Variants in ADGRB1 observed in about 807,000 individuals in gnomAD.
ADGRB1 encodes adhesion G protein-coupled receptor B1, also known as brain-specific angiogenesis inhibitor 1.
Under a neutral mutation model 175.7 loss-of-function variants are expected in ADGRB1, and 36 were observed. The observed-to-expected ratio is 0.20, with a 90% CI of 0.16 to 0.27. The LOEUF (loss-of-function observed/expected upper bound fraction) is 0.27. Ranked by LOEUF, ADGRB1 falls within the 10% of genes least tolerant of loss-of-function variation. The pLI is 1.00. For missense variants in ADGRB1, 1,731 were observed against 2,255.3 expected (o/e 0.77, Z 4.71); for synonymous variants, 1,054 against 979.4 (o/e 1.08, Z -1.42).
intron 9 of ADGRB1, among the ~76,000 whole-genome samples, chr8:142,480,841 C>G (rs76346066): frequency 0.018 from 2,668 of 152,310 alleles, 38 homozygotes; most frequent in Non-Finnish European, 0.028. Flanking sequence ...CAAGGCTGCC[C>G]CCATGTCTCT....
Position 142,455,963 on chromosome 8 carries a change from G to T in ADGRB1, c.-220+5859G>T, listed in dbSNP as rs1337909083. ...AGAGTGCCAGAGCGTCCAGGGTAGC[G>T]CCTGTGTAGTGCCAGGGAGGGTAGG... On this transcript the variant is annotated intron_variant, in intron 1 of 30. Transcript: ENST00000517894. This position sits in a 1 kb window ranked among gnomAD's most constrained non-coding sequence, Gnocchi z 4.9. 1.3e-5 allele frequency among the ~76,000 whole-genome samples: 2 copies of T among 152,120 alleles called. No individual in the cohort carries two copies. Among genetic ancestry groups the T allele is most frequent in the Admixed American group, 6.5e-5 (1 of 15,282 alleles).
At chr8:142,530,776 ATGTTC>A (rs1844577804) in intron 24 of ADGRB1, among the ~76,000 whole-genome samples, 2 of 152,078 alleles carry the variant, frequency 1.3e-5, no homozygotes, top group Admixed American at 1.3e-4. Flanking sequence ...GGCCAGAAGG[ATGTTC>A]CCTTTGCAGT....
At chr8:142,522,826 C>G in intron 22 of ADGRB1, 116 bp downstream of exon 22, 2 of 1,196,644 alleles carry the variant, frequency 1.7e-6, no homozygotes, top group Non-Finnish European at 2.2e-6. Flanking sequence ...GATCATCTCA[C>G]AGAGGCTCAG....
chr8:142,490,662 G>A lies in ADGRB1; in HGVS notation c.2632-110G>A, dbSNP rs148607345. On this transcript the variant is annotated intron_variant, in intron 16 of 30. Coordinates refer to ENST00000517894, the MANE Select transcript of ADGRB1 (RefSeq NM_001702.3). ...CAAAACGCAGTCTGTTCAGGGACCC[G>A]CACAGGTAGCATGCCTGGTAGCACA... The A allele has an allele frequency of 1.5e-3, 2,002 of 1,301,940 alleles. 6 individuals are homozygous for A. The highest frequency in any genetic ancestry group is 0.014 in the Middle Eastern group (70 of 5,156). The allele number at this position is 1,301,940 out of a possible 1,614,324, so 80.6% of individuals were successfully genotyped here. A position where few individuals can be genotyped will look rare whatever the true frequency, so the allele number is the denominator to read the frequency against.
intron 17 of ADGRB1, among the ~76,000 whole-genome samples, chr8:142,509,022 C>A (rs958660752): frequency 1.3e-5 from 2 of 152,210 alleles, no homozygotes; most frequent in Admixed American, 6.5e-5. Flanking sequence ...CAGGTCCTTC[C>A]CCTAGGAGGC....
Position 142,520,925 on chromosome 8 carries a change from G to T in ADGRB1, c.3024G>T (p.Lys1008Asn). Residue 1008 changes from lysine (K) to asparagine (N), a missense_variant and splice_region_variant, in exon 20 of 31, where the codon AAG becomes AAT. Lys to Asn is a moderately conservative substitution (Grantham distance 94, BLOSUM62 0). Around this residue, in one of 8 missense-constraint regions of ADGRB1, gnomAD observed 301 missense variants for 488.4 expected, o/e 0.62. Transcript: ENST00000517894. Reference protein sequence around the residue: ...ILIGQTQTRNKVVCTLVAAFL... With the variant: ...ILIGQTQTRNNVVCTLVAAFL... The stretch of plus-strand genomic sequence containing the variant: ...TCGGGCAGACCCAGACCCGCAACAA[G>T]GTAGGCAGCCTTGCGTCCTGCCATG... 1 of 1,612,100 alleles carries T rather than the reference G, an allele frequency of 6.2e-7. No homozygotes were observed. The highest frequency in any genetic ancestry group is 8.5e-7 in the Non-Finnish European group (1 of 1,178,320).
intron 22 of ADGRB1, among the ~76,000 whole-genome samples, chr8:142,523,407 G>GA (rs397688982): frequency 2.0e-5 from 3 of 151,526 alleles, no homozygotes; most frequent in Non-Finnish European, 2.9e-5. Context: ...GAGTGGGAGG[G>GA]CGGAGCAGGC....
chr8:142,544,480 C>T lies in ADGRB1; in HGVS notation c.*63C>T, dbSNP rs574799518. 1.7e-4 allele frequency: 246 copies of T among 1,411,268 alleles called. No homozygotes were observed. Among genetic ancestry groups the T allele is most frequent in the Non-Finnish European group, 2.1e-4 (227 of 1,085,862 alleles). The allele number at this position is 1,411,268 out of a possible 1,614,324, so 87.4% of individuals were successfully genotyped here. A position where few individuals can be genotyped will look rare whatever the true frequency, so the allele number is the denominator to read the frequency against. On this transcript the variant is annotated 3_prime_UTR_variant, in exon 31 of 31. Coordinates refer to ENST00000517894, the MANE Select transcript of ADGRB1 (RefSeq NM_001702.3). ...GGGATGCTGCTCCGCCCGCTCCTGCCGCAGACGGGCACAGACACGCTCGCG... is the reference window on the plus strand; with the variant it reads ...GGGATGCTGCTCCGCCCGCTCCTGCTGCAGACGGGCACAGACACGCTCGCG...
chr8:142,482,471 A>G (rs1275077078), intron 11 of ADGRB1, among the ~76,000 whole-genome samples: 22 of 91,626 alleles, frequency 2.4e-4, no homozygotes, highest in Admixed American at 5.0e-4. Context: ...CACATGCTGA[A>G]CCCTGATCCT....
At chr8:142,496,638 C>T (rs757037828) in intron 17 of ADGRB1, among the ~76,000 whole-genome samples, 21 of 152,112 alleles carry the variant, frequency 1.4e-4, no homozygotes, top group East Asian at 1.9e-4. Context: ...CAGAGTTTAC[C>T]GAGTATAAAA....
At chr8:142,508,821 C>T (rs1221632294) in intron 17 of ADGRB1, among the ~76,000 whole-genome samples, 1 of 152,206 alleles carries the variant, frequency 6.6e-6, no homozygotes, top group Non-Finnish European at 1.5e-5. Context: ...ATGGGTGAGC[C>T]TCATGCTTCT....
intron 24 of ADGRB1, among the ~76,000 whole-genome samples, chr8:142,532,431 A>G (rs71518703): frequency 0.057 from 8,641 of 152,182 alleles, 363 homozygotes; most frequent in African/African-American, 0.12. Context: ...TGCAGGGGCG[A>G]GGGCTGCTGT....
intron 19 of ADGRB1, among the ~76,000 whole-genome samples, chr8:142,519,701 G>T (rs1843656650): frequency 1.1e-5 from 1 of 91,490 alleles, no homozygotes; most frequent in East Asian, 2.9e-4. Context: ...TGGTTGTGAT[G>T]GTGTTGGTGG....
intron 2 of ADGRB1, among the ~76,000 whole-genome samples, chr8:142,472,950 C>CAGGG (rs1041749700): frequency 2.0e-5 from 3 of 152,134 alleles, no homozygotes; most frequent in Non-Finnish European, 4.4e-5. Flanking sequence ...TTTGTGGGGG[C>CAGGG]AGGGTGATCC....
Position 142,474,384 on chromosome 8 carries a change from G to C in ADGRB1, c.785-1090G>C, listed in dbSNP as rs1286538525. ...GCTGTCTCCTCGCCACCGTAGCCAG[G>C]AGCAGCACTTGGCAAGGGCTGCATG... On this transcript the variant is annotated intron_variant, in intron 2 of 30. Transcript: ENST00000517894. This position sits in a 1 kb window ranked among gnomAD's most constrained non-coding sequence, Gnocchi z 5.8. 6.6e-6 allele frequency among the ~76,000 whole-genome samples: 1 copy of C among 152,172 alleles called. No homozygotes were observed. The highest frequency in any genetic ancestry group is 1.5e-5 in the Non-Finnish European group (1 of 68,018).
At chr8:142,452,061 C>T (rs1411363204) in intron 1 of ADGRB1, among the ~76,000 whole-genome samples, 1 of 152,214 alleles carries the variant, frequency 6.6e-6, no homozygotes, top group African/African-American at 2.4e-5. Flanking sequence ...GTCAGTCCCG[C>T]TCGCCTGCCG....
chr8:142,469,652 A>T (rs62511454), intron 2 of ADGRB1, among the ~76,000 whole-genome samples: 118 of 135,298 alleles, frequency 8.7e-4, no homozygotes, highest in African/African-American at 3.3e-3. Flanking sequence ...CGTGCGTGTG[A>T]ACGCAAGTGC....
intron 25 of ADGRB1, among the ~76,000 whole-genome samples, chr8:142,535,205 C>T (rs773936100): frequency 2.0e-5 from 3 of 152,152 alleles, no homozygotes; most frequent in Non-Finnish European, 4.4e-5. Context: ...TGACCGGTGA[C>T]GGGAGCTGCA....
intron 13 of ADGRB1, among the ~76,000 whole-genome samples, chr8:142,486,565 C>T (rs6583636): frequency 0.29 from 44,456 of 152,152 alleles, 8,541 homozygotes; most frequent in African/African-American, 0.54. Context: ...CTAACTTCCA[C>T]GTGACCAGAC....
Sources: allele counts gnomAD v4.1 joint callset (sites outside exome capture counted in the v4.1 genomes callset), GRCh38; gene constraint gnomAD v4.1.1; regional missense constraint gnomAD v4.1.1; non-coding constraint Gnocchi (gnomAD v3.1); transcripts MANE v1.5; gene names NCBI Gene and HGNC (gene_info 2026-07-23, HGNC 2026-07-21).